The following CFAP61 variants were observed in gnomAD, a reference collection of about 807,000 sequenced individuals.
CFAP61 encodes cilia- and flagella-associated protein 61.
In CFAP61, 107 loss-of-function variants were observed where a neutral mutation model predicts 135.6. The observed-to-expected ratio is 0.79, with a 90% CI of 0.67 to 0.93. The LOEUF (loss-of-function observed/expected upper bound fraction) is 0.93, where lower values mean the gene tolerates loss of function less well. CFAP61 is among the 40% of genes least tolerant of loss of function. The pLI, the probability that CFAP61 is intolerant of heterozygous loss-of-function variation, is 0.00. For synonymous variants in CFAP61, 575 were observed against 578.5 expected (o/e 0.99, Z 0.09); for missense variants, 1,507 against 1,556.2 (o/e 0.97, Z 0.53).
At chr20:20,333,266 C>T (rs1259597413) in intron 25 of CFAP61, among the ~76,000 whole-genome samples, 1 of 152,184 alleles carries the variant, frequency 6.6e-6, no homozygotes, top group Non-Finnish European at 1.5e-5. Flanking sequence ...ACATCTTTTA[C>T]CTGGAGTGTC....
intron 8 of CFAP61, among the ~76,000 whole-genome samples, chr20:20,100,449 A>G (rs1250550043): frequency 1.3e-5 from 2 of 152,206 alleles, no homozygotes; most frequent in Non-Finnish European, 1.5e-5. Context: ...CTGGGATTAC[A>G]GGTGTGAGCC....
At chr20:20,144,489 GA>G (rs1444754640) in intron 9 of CFAP61, among the ~76,000 whole-genome samples, 4 of 151,984 alleles carry the variant, frequency 2.6e-5, no homozygotes, top group Non-Finnish European at 5.9e-5. Flanking sequence ...TAGTGAACTT[GA>G]AACAAATATA....
At chr20:20,242,642 T>C (rs2050102930) in intron 18 of CFAP61, among the ~76,000 whole-genome samples, 1 of 152,228 alleles carries the variant, frequency 6.6e-6, no homozygotes, top group Non-Finnish European at 1.5e-5. Flanking sequence ...AAAACCGGTC[T>C]CTTCCCTATC....
chr20:20,327,393 C>T (rs1037665073), intron 25 of CFAP61, among the ~76,000 whole-genome samples: 13 of 152,080 alleles, frequency 8.5e-5, no homozygotes, highest in African/African-American at 3.1e-4. Context: ...TCAGGAACTT[C>T]GAAGGCCAGT....
rs371245564 is a variant in CFAP61, at chr20:20,080,192, A to G, written c.566+4577A>G. ...TATTCTTTCATTTTTCTGTGTATGT[A>G]ACTATACACACACAAGTATAGTGGC... On this transcript the variant is annotated intron_variant, in intron 6 of 26. Coordinates refer to ENST00000245957, the MANE Select transcript of CFAP61 (RefSeq NM_015585.4). 7.2e-5 allele frequency among the ~76,000 whole-genome samples: 11 copies of G among 152,282 alleles called. No individual in the cohort carries two copies. In the East Asian group the frequency reaches 1.7e-3, roughly 24 times the overall value.
At position 20,360,357 on chromosome 20, in the gene CFAP61, C is replaced by T; in HGVS notation, c.3661C>T (p.Leu1221=). The T allele has an allele frequency of 6.2e-7, 1 of 1,613,898 alleles. No individual in the cohort carries two copies. Among genetic ancestry groups the T allele is most frequent in the Non-Finnish European group, 8.5e-7 (1 of 1,180,024 alleles). The change falls in exon 27 of 27, where the codon CTG becomes TTG. Residue 1221 remains leucine, a synonymous_variant. Transcript: ENST00000245957. ...GGTGGAGAGAAGCACTCTTGACTAC[C>T]TGCACTATAACCGCTACCACCTGCC... The part of the protein sequence containing the change: ...TLVERSTLDY[L]HYNRYHLPMY...
chr20:20,181,028 A>G (rs2055024282), intron 13 of CFAP61, among the ~76,000 whole-genome samples: 2 of 151,928 alleles, frequency 1.3e-5, no homozygotes. Context: ...GGGAGGAGGG[A>G]GAGGATCAGG....
At chr20:20,301,158 C>G (rs1227243626) in intron 25 of CFAP61, among the ~76,000 whole-genome samples, 1 of 152,170 alleles carries the variant, frequency 6.6e-6, no homozygotes, top group South Asian at 2.1e-4. Context: ...AGAGCAACTT[C>G]CAGTCCTGTA....
chr20:20,335,533 G>A (rs969268866), intron 25 of CFAP61, among the ~76,000 whole-genome samples: 3 of 152,220 alleles, frequency 2.0e-5, no homozygotes, highest in African/African-American at 7.2e-5. Flanking sequence ...ACTCTCCTTA[G>A]AAGAAAGGAG....
chr20:20,274,473 G>A (rs983818258), intron 21 of CFAP61, among the ~76,000 whole-genome samples: 2 of 152,120 alleles, frequency 1.3e-5, no homozygotes, highest in Non-Finnish European at 2.9e-5. Flanking sequence ...CCAGCTTGGT[G>A]AACATGTCAA....
intron 25 of CFAP61, 36 bp from the exon 26 acceptor site, chr20:20,341,795 G>T (rs750608964): frequency 6.8e-6 from 10 of 1,479,134 alleles, no homozygotes; most frequent in Non-Finnish European, 7.5e-6. Flanking sequence ...TAATGAGAGG[G>T]TTGCCAGCTC....
At chr20:20,273,310 A>G (rs887834846) in intron 21 of CFAP61, among the ~76,000 whole-genome samples, 4 of 152,160 alleles carry the variant, frequency 2.6e-5, no homozygotes, top group Non-Finnish European at 4.4e-5. Flanking sequence ...TGGTTACATT[A>G]GGGACTATGT....
intron 12 of CFAP61, among the ~76,000 whole-genome samples, chr20:20,168,206 G>C (rs918958101): frequency 6.6e-6 from 1 of 151,926 alleles, no homozygotes; most frequent in East Asian, 1.9e-4. Context: ...CAAATAGCTG[G>C]GACATGCCAC....
At chr20:20,120,520 G>A (rs1164276843) in intron 8 of CFAP61, among the ~76,000 whole-genome samples, 1 of 152,074 alleles carries the variant, frequency 6.6e-6, no homozygotes, top group African/African-American at 2.4e-5. Context: ...TTTTGAATTT[G>A]TTGAGACTTC....
intron 8 of CFAP61, among the ~76,000 whole-genome samples, chr20:20,134,571 A>G (rs1023874280): frequency 1.3e-5 from 2 of 152,226 alleles, no homozygotes; most frequent in African/African-American, 2.4e-5. Flanking sequence ...AAAGGCCACT[A>G]TGGCGTCCAG....
intron 20 of CFAP61, among the ~76,000 whole-genome samples, chr20:20,260,883 G>C (rs941543623): frequency 1.2e-4 from 18 of 152,144 alleles, no homozygotes; most frequent in African/African-American, 4.3e-4. Flanking sequence ...TGTAGTTCCA[G>C]TGAGGTTTCA....
chr20:20,295,955 G>A lies in CFAP61; in HGVS notation c.3217-2226G>A, dbSNP rs575000108. ...GCTTTTTCCAAACTCTTCTCCAGAG[G>A]AGCCCGCCCTTGCACACCAACGCCT... On this transcript the variant is annotated intron_variant, in intron 24 of 26. Coordinates refer to ENST00000245957, the MANE Select transcript of CFAP61 (RefSeq NM_015585.4). Among the ~76,000 whole-genome samples, 68 of 147,440 alleles carry A rather than the reference G, an allele frequency of 4.6e-4. 1 individual carries two copies. Among genetic ancestry groups the A allele is most frequent in the African/African-American group, 1.7e-3 (67 of 39,712 alleles).
At chr20:20,271,583 A>C (rs916689381) in intron 21 of CFAP61, among the ~76,000 whole-genome samples, 1 of 152,194 alleles carries the variant, frequency 6.6e-6, no homozygotes, top group Admixed American at 6.5e-5. Flanking sequence ...CGGAGCTTCC[A>C]CACAGTCGCC....
At chr20:20,311,746 GA>G in intron 25 of CFAP61, among the ~76,000 whole-genome samples, 1 of 152,196 alleles carries the variant, frequency 6.6e-6, no homozygotes, top group East Asian at 1.9e-4. Flanking sequence ...GCATTCAGTT[GA>G]GTACTGGTCA....
Sources: gnomAD v4.1 joint callset for allele counts (sites outside exome capture counted in the v4.1 genomes callset) on GRCh38, gnomAD v4.1.1 for gene constraint, MANE v1.5 for transcripts, NCBI Gene and HGNC (gene_info 2026-07-23, HGNC 2026-07-21) for gene names.